The following CCDC57 variants were observed in gnomAD, a reference collection of about 807,000 sequenced individuals.
The protein encoded by CCDC57 is coiled-coil domain containing 57.
CCDC57 carries 118 observed loss-of-function variants against 118.9 expected under a neutral mutation model. That is an observed-to-expected ratio of 0.99 (90% CI 0.86 to 1.16). CCDC57 has a LOEUF of 1.16. CCDC57 is among the 50% of genes most tolerant of loss of function. CCDC57 has a pLI of 0.00. For synonymous variants in CCDC57, 527 were observed against 532.9 expected, an observed-to-expected ratio of 0.99 and a Z score of 0.15; for missense variants, 1,300 against 1,320.7, an observed-to-expected ratio of 0.98 and a Z score of 0.24.
At chr17:82,103,654 C>G (rs1196073346) in intron 19 of CCDC57, among the ~76,000 whole-genome samples, 2 of 152,348 alleles carry the variant, frequency 1.3e-5, no homozygotes, top group South Asian at 4.1e-4. Context: ...GGGCTTTGCC[C>G]GGCTTGATCC....
chr17:82,119,867 C>T (rs2036436232), intron 19 of CCDC57, among the ~76,000 whole-genome samples: 1 of 152,238 alleles, frequency 6.6e-6, no homozygotes, highest in Admixed American at 6.5e-5. Flanking sequence ...GAGGTGGGTC[C>T]TCCAAAGAGC....
At position 82,193,744 on chromosome 17, in the gene CCDC57, C is replaced by G; in HGVS notation, c.851+12G>C. 6.3e-7 allele frequency: 1 copy of G among 1,585,374 alleles called. No homozygotes were observed. The highest frequency in any genetic ancestry group is 8.6e-7 in the Non-Finnish European group (1 of 1,164,432). ...TGACATGCTGCATGATGTTGGGAGC[C>G]GAAACACTCACTTCCTCTTAAATGT... On this transcript the variant is annotated intron_variant, in intron 7 of 19. Transcript: ENST00000665763.
intron 11 of CCDC57, among the ~76,000 whole-genome samples, chr17:82,173,408 C>T (rs1245875838): frequency 6.6e-6 from 1 of 152,168 alleles, no homozygotes; most frequent in Non-Finnish European, 1.5e-5. Context: ...AATACCCAAA[C>T]TGAAGCTCAG....
At chr17:82,114,318 C>G (rs1003181134) in intron 19 of CCDC57, among the ~76,000 whole-genome samples, 50 of 152,034 alleles carry the variant, frequency 3.3e-4, no homozygotes, top group African/African-American at 1.1e-3. Context: ...GGGCCAGAGG[C>G]AGCATGGGGA....
At chr17:82,145,777 C>T (rs2040647154) in intron 16 of CCDC57, 1 of 464,284 alleles carries the variant, frequency 2.2e-6, no homozygotes. Flanking sequence ...TTCTCACTCC[C>T]CGCCCTGGTC....
rs779302048 is a variant in CCDC57 at position 82,107,507 on chromosome 17, C to T, written c.2900-5641G>A. ...AGCATCAGGGGCCAAAGCGGACCCC[C>T]GCCAGAAAGGAGGAAGAGGCCCCCA... is the stretch of plus-strand genomic sequence containing the variant. On this transcript the variant is annotated intron_variant, in intron 19 of 19. Transcript: ENST00000665763. 6.2e-5 allele frequency: 29 copies of T among 470,676 alleles called. 1 individual carries two copies. Among genetic ancestry groups the T allele is most frequent in the South Asian group, 7.7e-5 (5 of 64,544 alleles). The allele number at this position is 470,676 out of a possible 1,614,324, so 29.2% of individuals were successfully genotyped here.
At chr17:82,104,090 AC>A (rs1598601161) in intron 19 of CCDC57, among the ~76,000 whole-genome samples, 1 of 152,048 alleles carries the variant, frequency 6.6e-6, no homozygotes, top group African/African-American at 2.4e-5. Flanking sequence ...ACTCCCTGTG[AC>A]CCCGGATTCT....
intron 19 of CCDC57, among the ~76,000 whole-genome samples, chr17:82,123,193 TCA>T (rs947705407): frequency 1.4e-5 from 2 of 141,292 alleles, no homozygotes; most frequent in Non-Finnish European, 3.0e-5. Flanking sequence ...CAGTGTGTAA[TCA>T]CAGCTCACTG....
intron 19 of CCDC57, among the ~76,000 whole-genome samples, chr17:82,108,509 C>T (rs761036038): frequency 4.4e-4 from 67 of 152,220 alleles, no homozygotes; most frequent in Non-Finnish European, 7.3e-4. Flanking sequence ...GTCATGTTAT[C>T]GCTGGCTCTG....
intron 19 of CCDC57, among the ~76,000 whole-genome samples, chr17:82,120,438 G>C (rs1056832566): frequency 6.6e-6 from 1 of 152,230 alleles, no homozygotes; most frequent in Non-Finnish European, 1.5e-5. Flanking sequence ...AGCGACTGCC[G>C]AGCTGCGCTC....
chr17:82,145,232 T>C (rs911829818), intron 16 of CCDC57, among the ~76,000 whole-genome samples: 3 of 149,696 alleles, frequency 2.0e-5, no homozygotes, highest in African/African-American at 7.4e-5. Flanking sequence ...TTTCATCATG[T>C]TGGCCAGGCT....
chr17:82,143,523 C>T (rs555491192), intron 16 of CCDC57, among the ~76,000 whole-genome samples: 24 of 151,820 alleles, frequency 1.6e-4, no homozygotes, highest in African/African-American at 5.6e-4. Context: ...ACCCCACACG[C>T]GCACACACCC....
chr17:82,188,089 G>T, intron 8 of CCDC57, 130 bp downstream of exon 7: 4 of 612,422 alleles, frequency 6.5e-6, no homozygotes, highest in Non-Finnish European at 1.0e-5. Context: ...AAAAGTGACT[G>T]AGAGCTACAG....
chr17:82,126,028 C>T (rs560772252), intron 19 of CCDC57, among the ~76,000 whole-genome samples: 2 of 152,272 alleles, frequency 1.3e-5, no homozygotes, highest in South Asian at 4.1e-4. Flanking sequence ...CCCCTGTAAT[C>T]CCAGCACTCT....
intron 1 of CCDC57, among the ~76,000 whole-genome samples, chr17:82,208,811 G>A (rs1486383331): frequency 6.6e-6 from 1 of 152,096 alleles, no homozygotes; most frequent in Non-Finnish European, 1.5e-5. Context: ...TTTAGCTCTT[G>A]TGGCCCCTCT....
At chr17:82,170,866 A>C (rs1040996753) in intron 13 of CCDC57, among the ~76,000 whole-genome samples, 2 of 152,278 alleles carry the variant, frequency 1.3e-5, no homozygotes, top group African/African-American at 4.8e-5. Flanking sequence ...TAGAGGGAAC[A>C]GAAGGAGCCG....
At chr17:82,180,900 C>T (rs577133843) in intron 9 of CCDC57, among the ~76,000 whole-genome samples, 46 of 152,364 alleles carry the variant, frequency 3.0e-4, no homozygotes, top group African/African-American at 1.1e-3. Flanking sequence ...AAATGGGGCA[C>T]GGCTTTCACA....
chr17:82,145,001 TTTTA>T (rs2040506151), intron 16 of CCDC57, among the ~76,000 whole-genome samples: 2 of 148,596 alleles, frequency 1.3e-5, no homozygotes, highest in South Asian at 2.1e-4. Flanking sequence ...TCCAAATCAA[TTTTA>T]TTTCTTTTCT....
chr17:82,158,806 C>T (rs2042978810), intron 14 of CCDC57, among the ~76,000 whole-genome samples: 1 of 152,058 alleles, frequency 6.6e-6, no homozygotes, highest in Admixed American at 6.5e-5. Flanking sequence ...GATCCTTCTG[C>T]CTCAGCCTCC....
Sources: gnomAD v4.1 joint callset for allele counts (sites outside exome capture counted in the v4.1 genomes callset) on GRCh38, gnomAD v4.1.1 for gene constraint, MANE v1.5 for transcripts, NCBI Gene and HGNC (gene_info 2026-07-23, HGNC 2026-07-21) for gene names.